The following SLC2A13 variants were observed in gnomAD, a reference collection of about 807,000 sequenced individuals.
The protein encoded by SLC2A13 is proton myo-inositol cotransporter.
A neutral mutation model predicts 64.4 loss-of-function variants in SLC2A13; 32 were observed. The ratio of observed to expected loss-of-function variants is 0.50; its 90% CI spans 0.37 to 0.67. SLC2A13 has a LOEUF of 0.67. SLC2A13 is among the 30% of genes least tolerant of loss of function. The probability of loss-of-function intolerance (pLI) is 0.00; values close to 1 mark genes in which losing one functional copy is unlikely to be tolerated. For synonymous variants in SLC2A13, 338 were observed against 327.1 expected (o/e 1.03, Z -0.36); for missense variants, 743 against 829.2 (o/e 0.90, Z 1.28).
At chr12:39,899,951 G>A (rs2136013038) in intron 4 of SLC2A13, among the ~76,000 whole-genome samples, 1 of 152,100 alleles carries the variant, frequency 6.6e-6, no homozygotes, top group East Asian at 1.9e-4. Context: ...AAAAAATACT[G>A]GCAAACCGAA....
intron 4 of SLC2A13, among the ~76,000 whole-genome samples, chr12:39,907,067 G>A (rs1945306320): frequency 6.6e-6 from 1 of 152,046 alleles, no homozygotes; most frequent in Non-Finnish European, 1.5e-5. Flanking sequence ...TATATAAGTA[G>A]AAGTTTGACT....
intron 2 of SLC2A13, among the ~76,000 whole-genome samples, chr12:40,043,489 A>G (rs1427059652): frequency 1.3e-5 from 2 of 152,074 alleles, no homozygotes; most frequent in East Asian, 3.9e-4. Context: ...TAAACTATAT[A>G]TATATATATG....
chr12:39,900,527 A>C (rs1945063938), intron 4 of SLC2A13, among the ~76,000 whole-genome samples: 1 of 152,124 alleles, frequency 6.6e-6, no homozygotes, highest in South Asian at 2.1e-4. Flanking sequence ...AATCACAAGC[A>C]TTCTTATACA....
chr12:40,002,639 G>C (rs1415183852), intron 3 of SLC2A13, among the ~76,000 whole-genome samples: 1 of 152,160 alleles, frequency 6.6e-6, no homozygotes, highest in African/African-American at 2.4e-5. Context: ...TCATGAGCTA[G>C]GAACTCTCTT....
chr12:39,974,277 G>T (rs957561716), intron 3 of SLC2A13, among the ~76,000 whole-genome samples: 2 of 152,132 alleles, frequency 1.3e-5, no homozygotes, highest in Non-Finnish European at 2.9e-5. Flanking sequence ...TCTTCCTCTT[G>T]ACCAGTGTAT....
rs551526989 is a variant in SLC2A13 at position 39,758,045 on chromosome 12, T to TAA, written c.*1979_*1980dup. The TAA allele has an allele frequency of 2.3e-4, 35 of 151,834 alleles. No individual in the cohort carries two copies. In the East Asian group the frequency reaches 5.8e-3, roughly 25 times the overall value. 9.4% of individuals were successfully genotyped at this position (151,834 alleles called of 1,614,324 possible). On this transcript the variant is annotated 3_prime_UTR_variant, in exon 10 of 10. Transcript: ENST00000280871. ...ATTAGATAAGAAATTTCTTATGAGA[T>TAA]AAGAAATATCAATAGAATAATAATT...
intron 6 of SLC2A13, among the ~76,000 whole-genome samples, chr12:39,854,094 A>G (rs1943540695): frequency 6.6e-6 from 1 of 151,950 alleles, no homozygotes; most frequent in South Asian, 2.1e-4. Context: ...GATAGTATTG[A>G]CATAAGCAAA....
intron 3 of SLC2A13, among the ~76,000 whole-genome samples, chr12:39,957,734 A>G (rs1946341346): frequency 6.6e-6 from 1 of 152,218 alleles, no homozygotes; most frequent in Non-Finnish European, 1.5e-5. Context: ...TTCTCACAAC[A>G]TTCACTTTAA....
intron 6 of SLC2A13, among the ~76,000 whole-genome samples, chr12:39,858,891 G>T (rs532689751): frequency 6.6e-6 from 1 of 152,138 alleles, no homozygotes; most frequent in East Asian, 1.9e-4. Flanking sequence ...CAGGTGTGAC[G>T]CACCGTGCCC....
chr12:39,907,889 A>G (rs141310399), intron 4 of SLC2A13: 4 of 152,064 alleles, frequency 2.6e-5, no homozygotes, highest in African/African-American at 9.7e-5. Flanking sequence ...CCTTAGAATC[A>G]ATGCTCCCAA....
intron 3 of SLC2A13, among the ~76,000 whole-genome samples, chr12:39,999,967 ACTCTTT>A (rs1406516896): frequency 1.3e-5 from 2 of 151,904 alleles, no homozygotes; most frequent in African/African-American, 4.8e-5. Context: ...CTCTCTTTGT[ACTCTTT>A]CTCTTTATTT....
chr12:39,862,107 A>C (rs1943779182), intron 6 of SLC2A13, among the ~76,000 whole-genome samples: 1 of 152,086 alleles, frequency 6.6e-6, no homozygotes, highest in South Asian at 2.1e-4. Context: ...ATTGTTCTGA[A>C]AGACATTCTT....
In SLC2A13 at chr12:40,019,673, C is replaced by T. The variant is rs560933599; in HGVS notation, c.925+8628G>A. On this transcript the variant is annotated intron_variant, in intron 3 of 9. Coordinates refer to ENST00000280871, the MANE Select transcript of SLC2A13 (RefSeq NM_052885.4). The stretch of plus-strand genomic sequence containing the variant: ...AAAGAAATTGTTACTAGTATTTTCA[C>T]ACTAGTTGCCCCTCCCCTTTAGGAA... Among the ~76,000 whole-genome samples the T allele has an allele frequency of 2.6e-5, 4 of 152,248 alleles. No homozygotes were observed. The South Asian group carries it at 6.2e-4, about 24-fold the overall frequency.
At chr12:39,948,292 G>A (rs1017116346) in intron 4 of SLC2A13, among the ~76,000 whole-genome samples, 24 of 152,154 alleles carry the variant, frequency 1.6e-4, no homozygotes, top group African/African-American at 5.3e-4. Flanking sequence ...GGATGAGAAT[G>A]TATGGGTTGG....
intron 3 of SLC2A13, among the ~76,000 whole-genome samples, chr12:39,994,133 T>G (rs1350217369): frequency 1.3e-5 from 2 of 152,066 alleles, no homozygotes; most frequent in East Asian, 3.9e-4. Flanking sequence ...CTCACGCCTG[T>G]AATCCCAGCA....
At chr12:39,793,708 C>T (rs182192823) in intron 7 of SLC2A13, among the ~76,000 whole-genome samples, 4 of 152,222 alleles carry the variant, frequency 2.6e-5, no homozygotes, top group Non-Finnish European at 4.4e-5. Flanking sequence ...GAAACCGAGT[C>T]TTGGCTCTGA....
At chr12:39,915,711 A>C (rs1945510700) in intron 4 of SLC2A13, among the ~76,000 whole-genome samples, 1 of 152,006 alleles carries the variant, frequency 6.6e-6, no homozygotes, top group Admixed American at 6.6e-5. Context: ...AAAAATATCA[A>C]GACCAAGCTG....
chr12:39,821,543 TTA>T (rs1342296493), intron 7 of SLC2A13, among the ~76,000 whole-genome samples: 1 of 152,206 alleles, frequency 6.6e-6, no homozygotes, highest in Non-Finnish European at 1.5e-5. Context: ...AAACCCAAGC[TTA>T]ATGCGTTGCT....
intron 2 of SLC2A13, among the ~76,000 whole-genome samples, chr12:40,038,590 G>T (rs1948028619): frequency 6.6e-6 from 1 of 151,946 alleles, no homozygotes; most frequent in African/African-American, 2.4e-5. Flanking sequence ...AAATTAATGG[G>T]CATGGTGGCA....
Sources: gnomAD v4.1 joint callset for allele counts (sites outside exome capture counted in the v4.1 genomes callset) on GRCh38, gnomAD v4.1.1 for gene constraint, MANE v1.5 for transcripts, NCBI Gene and HGNC (gene_info 2026-07-23, HGNC 2026-07-21) for gene names.